The following MCF2L2 variants were observed in gnomAD, a reference collection of about 807,000 sequenced individuals.
The protein encoded by MCF2L2 is probable guanine nucleotide exchange factor MCF2L2.
MCF2L2 carries 102 observed loss-of-function variants against 150.2 expected under a neutral mutation model. That is an observed-to-expected ratio of 0.68 (90% CI 0.58 to 0.80). The LOEUF is 0.80. Among genes scored for constraint, MCF2L2 ranks in the 30% least tolerant of loss-of-function variants. The pLI is 0.00. For synonymous variants in MCF2L2, 465 were observed against 491.3 expected (o/e 0.95, Z 0.71); for missense variants, 1,256 against 1,372.8 (o/e 0.91, Z 1.34).
intron 23 of MCF2L2, 42 bp downstream of exon 23, chr3:183,207,566 T>C (rs768067512): frequency 6.9e-7 from 1 of 1,453,208 alleles, no homozygotes; most frequent in Non-Finnish European, 9.6e-7. Flanking sequence ...CTCTCTCTTT[T>C]CTGCATAGGG....
chr3:183,274,876 C>T (rs1727067754), intron 15 of MCF2L2, among the ~76,000 whole-genome samples: 1 of 152,192 alleles, frequency 6.6e-6, no homozygotes, highest in South Asian at 2.1e-4. Context: ...CTCAAAGACT[C>T]CTCACTGCCT....
chr3:183,292,730 T>C (rs1728234742), intron 13 of MCF2L2, among the ~76,000 whole-genome samples: 1 of 152,282 alleles, frequency 6.6e-6, no homozygotes, highest in African/African-American at 2.4e-5. Flanking sequence ...GGGGAGCATA[T>C]GGAAGTATGA....
At chr3:183,310,546 C>G in intron 9 of MCF2L2, 1 of 276,486 alleles carries the variant, frequency 3.6e-6, no homozygotes, top group South Asian at 3.1e-5. Flanking sequence ...GCCTGTAATT[C>G]CAGCTACTTG....
chr3:183,323,256 A>T lies in MCF2L2; in HGVS notation c.582T>A (p.Gly194=). 1 of 1,612,970 alleles carries T rather than the reference A, an allele frequency of 6.2e-7. No individual in the cohort carries two copies. Among genetic ancestry groups the T allele is most frequent in the Non-Finnish European group, 8.5e-7 (1 of 1,179,064 alleles). ...ELGGTLEYRH[G]QWVNHRTAIE... Reference sequence around the variant, plus strand: ...TCACAGTGCGGTGATTTACCCACTGACCGTGGCGATATTCCAAAGTCCCCC... The same window carrying T: ...TCACAGTGCGGTGATTTACCCACTGTCCGTGGCGATATTCCAAAGTCCCCC... Residue 194 remains glycine (G), a synonymous_variant, in exon 6 of 30, where the codon GGT becomes GGA. Coordinates refer to ENST00000328913, the MANE Select transcript of MCF2L2 (RefSeq NM_015078.4).
At chr3:183,290,490 C>A (rs1212623789) in intron 13 of MCF2L2, among the ~76,000 whole-genome samples, 2 of 152,110 alleles carry the variant, frequency 1.3e-5, no homozygotes, top group Non-Finnish European at 2.9e-5. Context: ...GGGAAACTCA[C>A]AGGAGACATG....
intron 10 of MCF2L2, among the ~76,000 whole-genome samples, chr3:183,307,444 A>G (rs1729152863): frequency 6.6e-6 from 1 of 152,252 alleles, no homozygotes; most frequent in Non-Finnish European, 1.5e-5. Context: ...ATCCTTCAGG[A>G]AGCAAGTTTA....
chr3:183,238,015 G>A (rs1484061821), intron 15 of MCF2L2, among the ~76,000 whole-genome samples: 1 of 142,354 alleles, frequency 7.0e-6, no homozygotes, highest in Non-Finnish European at 1.5e-5. Flanking sequence ...GCGGCTTTGA[G>A]TGAGATTCTT....
chr3:183,228,946 A>C (rs1352162489), intron 17 of MCF2L2, among the ~76,000 whole-genome samples: 2 of 152,174 alleles, frequency 1.3e-5, no homozygotes, highest in South Asian at 2.1e-4. Flanking sequence ...GGGCTCAAAG[A>C]GGCTACATAA....
chr3:183,253,577 T>G (rs1050702374), intron 15 of MCF2L2: 2 of 152,286 alleles, frequency 1.3e-5, no homozygotes, highest in Non-Finnish European at 2.9e-5. Flanking sequence ...GTTTCCTTAC[T>G]TTGTTACTGA....
At chr3:183,213,544 C>T (rs1476493447) in intron 22 of MCF2L2, among the ~76,000 whole-genome samples, 1 of 152,054 alleles carries the variant, frequency 6.6e-6, no homozygotes, top group African/African-American at 2.4e-5. Flanking sequence ...TTAAACTGGA[C>T]TCAGCCATGC....
At chr3:183,386,645 T>C (rs1333259488) in intron 2 of MCF2L2, among the ~76,000 whole-genome samples, 6 of 152,342 alleles carry the variant, frequency 3.9e-5, no homozygotes, top group Admixed American at 3.3e-4. Flanking sequence ...AATCTTTACC[T>C]TACTTGCCTG....
At chr3:183,221,045 C>A (rs1576934347) in intron 20 of MCF2L2, among the ~76,000 whole-genome samples, 1 of 152,176 alleles carries the variant, frequency 6.6e-6, no homozygotes, top group Admixed American at 6.5e-5. Flanking sequence ...CTCTTTCAAG[C>A]CAGCACATGT....
At chr3:183,360,489 TC>T (rs1277583551) in intron 3 of MCF2L2, among the ~76,000 whole-genome samples, 91 of 151,760 alleles carry the variant, frequency 6.0e-4, no homozygotes, top group Non-Finnish European at 1.2e-4. Flanking sequence ...ATTGCTTGAG[TC>T]CGGGAGTTCA....
At position 183,311,736 on chromosome 3, in the gene MCF2L2, A is replaced by G. The variant is rs755636409; in HGVS notation, c.790T>C (p.Leu264=). The change falls in exon 8 of 30, where the codon TTG becomes CTG. Residue 264 remains leucine, a synonymous_variant. Coordinates refer to ENST00000328913, the MANE Select transcript of MCF2L2 (RefSeq NM_015078.4). ...LKLLGKQGTT[L]LSCIQEPATK... ...GCTGGTTCTTGGATGCATGACAGCA[A>G]TGTGGTCCCCTGCTTTCCAAGTAAT... The G allele has an allele frequency of 1.9e-6, 3 of 1,614,122 alleles. No homozygotes were observed.
In MCF2L2 at chr3:183,224,126, T is replaced by C. The variant is rs1186348222; in HGVS notation, c.2180A>G (p.Gln727Arg). Reference protein sequence around the residue: ...KNLPRARAIWQECQDCAYFGV... With the variant: ...KNLPRARAIWRECQDCAYFGV... Reference sequence around the variant, plus strand: ...AAAGTAGGCGCAGTCTTGACACTCTTGCCAGATTGCCCTAGCTCGGGGCAG... The same window carrying C: ...AAAGTAGGCGCAGTCTTGACACTCTCGCCAGATTGCCCTAGCTCGGGGCAG... The change falls in exon 19 of 30, where the codon CAA (glutamine) becomes CGA (arginine). Residue 727 changes from glutamine (Q) to arginine (R), a missense_variant. Physicochemically the swap from Gln to Arg is conservative, Grantham distance 43 (BLOSUM62 1). Transcript: ENST00000328913. 6 of 1,614,068 alleles carry C rather than the reference T, an allele frequency of 3.7e-6. No individual in the cohort carries two copies. Among genetic ancestry groups the C allele is most frequent in the Non-Finnish European group, 5.1e-6 (6 of 1,179,904 alleles).
intron 10 of MCF2L2, among the ~76,000 whole-genome samples, chr3:183,307,446 G>T (rs944430763): frequency 1.3e-5 from 2 of 152,244 alleles, no homozygotes; most frequent in African/African-American, 4.8e-5. Context: ...CCTTCAGGAA[G>T]CAAGTTTAGA....
At chr3:183,224,074 A>C in intron 19 of MCF2L2, 24 bp downstream of exon 19, 1 of 1,578,250 alleles carries the variant, frequency 6.3e-7, no homozygotes, top group Non-Finnish European at 8.7e-7. Context: ...TTTTCCAGGA[A>C]GAAGTTTGTC....
intron 18 of MCF2L2, 194 bp downstream of exon 18, chr3:183,228,103 G>T: frequency 1.8e-6 from 1 of 544,454 alleles, no homozygotes; most frequent in Non-Finnish European, 3.3e-6. Flanking sequence ...CAGGGTGTAA[G>T]TATATCAAAC....
At chr3:183,228,443 A>G in intron 17 of MCF2L2, 77 bp from the exon 18 acceptor site, 4 of 1,003,304 alleles carry the variant, frequency 4.0e-6, no homozygotes, top group Middle Eastern at 2.3e-4. Flanking sequence ...GTACAATCAC[A>G]TAAGGTTTCA....
Sources: gnomAD v4.1 joint callset for allele counts (sites outside exome capture counted in the v4.1 genomes callset) on GRCh38, gnomAD v4.1.1 for gene constraint, MANE v1.5 for transcripts, NCBI Gene and HGNC (gene_info 2026-07-23, HGNC 2026-07-21) for gene names.